TDRD12: variants seen among roughly 807,000 people sequenced by gnomAD.
The protein encoded by TDRD12 is putative ATP-dependent RNA helicase TDRD12.
Under a neutral mutation model 133.5 loss-of-function variants are expected in TDRD12, and 158 were observed. That is an observed-to-expected ratio of 1.18 (90% CI 1.04 to 1.35). TDRD12 has a LOEUF of 1.35. Among genes scored for constraint, TDRD12 ranks in the 40% most tolerant of loss-of-function variants. TDRD12 has a pLI of 0.00. For synonymous variants in TDRD12, 460 were observed against 477.9 expected (o/e 0.96, Z 0.49); for missense variants, 1,443 against 1,321.3 (o/e 1.09, Z -1.43).
intron 8 of TDRD12, among the ~76,000 whole-genome samples, chr19:32,767,693 G>A (rs778975184): frequency 1.8e-4 from 27 of 152,268 alleles, no homozygotes; most frequent in Admixed American, 2.6e-4. Context: ...GGGAGAAGAG[G>A]TGAAGGGGGT....
intron 3 of TDRD12, among the ~76,000 whole-genome samples, chr19:32,741,290 C>T (rs1046900914): frequency 1.3e-5 from 2 of 152,160 alleles, no homozygotes; most frequent in Non-Finnish European, 2.9e-5. Context: ...CCATGTTGGC[C>T]AGGCTGGTCT....
At chr19:32,814,102 C>T (rs1967096162) in intron 25 of TDRD12, among the ~76,000 whole-genome samples, 1 of 152,218 alleles carries the variant, frequency 6.6e-6, no homozygotes, top group South Asian at 2.1e-4. Flanking sequence ...CTAACTTTCT[C>T]ATTCACCACG....
At chr19:32,739,739 T>A (rs1969347110) in intron 3 of TDRD12, among the ~76,000 whole-genome samples, 1 of 141,252 alleles carries the variant, frequency 7.1e-6, no homozygotes, top group Non-Finnish European at 1.5e-5. Context: ...CTGGGTGCTG[T>A]CTGCATCTCC....
intron 21 of TDRD12, among the ~76,000 whole-genome samples, chr19:32,803,725 T>G (rs1308040013): frequency 2.0e-5 from 3 of 152,226 alleles, no homozygotes; most frequent in Admixed American, 1.3e-4. Context: ...GAGCCTGAGT[T>G]GTCCCCAACC....
At chr19:32,738,553 C>T (rs183620556) in intron 2 of TDRD12, among the ~76,000 whole-genome samples, 163 of 152,330 alleles carry the variant, frequency 1.1e-3, no homozygotes, top group Middle Eastern at 3.4e-3. Context: ...TGATGGCTCA[C>T]GCCTGTAATC....
chr19:32,812,431 G>A (rs1336015598), intron 24 of TDRD12, among the ~76,000 whole-genome samples: 1 of 152,172 alleles, frequency 6.6e-6, no homozygotes, highest in East Asian at 1.9e-4. Flanking sequence ...AGTACAAACA[G>A]TTTGGGTTAT....
At chr19:32,815,880 G>C (rs1311776173) in intron 26 of TDRD12, among the ~76,000 whole-genome samples, 1 of 152,070 alleles carries the variant, frequency 6.6e-6, no homozygotes, top group African/African-American at 2.4e-5. Context: ...TGTAATCCCT[G>C]TTACTCGGGA....
chr19:32,777,804 C>A (rs1656984406), intron 11 of TDRD12, among the ~76,000 whole-genome samples: 1 of 93,368 alleles, frequency 1.1e-5, no homozygotes, highest in Non-Finnish European at 1.9e-5. Context: ...ACCACCATAA[C>A]TGATTTACAT....
chr19:32,786,741 A>G (rs1028792113), intron 11 of TDRD12, among the ~76,000 whole-genome samples: 1 of 152,128 alleles, frequency 6.6e-6, no homozygotes, highest in African/African-American at 2.4e-5. Context: ...TGCATGCATC[A>G]CGAAGTTCCC....
chr19:32,806,321 G>A (rs765317763), intron 21 of TDRD12, among the ~76,000 whole-genome samples: 2 of 148,386 alleles, frequency 1.3e-5, no homozygotes, highest in African/African-American at 5.0e-5. Flanking sequence ...TCCTATTTAC[G>A]CTTAAAGAAG....
chr19:32,804,075 G>GT (rs968819327), intron 21 of TDRD12, among the ~76,000 whole-genome samples: 11 of 151,484 alleles, frequency 7.3e-5, no homozygotes, highest in African/African-American at 2.7e-4. Context: ...TTTTGATGAA[G>GT]TTTTTTTTGT....
intron 21 of TDRD12, among the ~76,000 whole-genome samples, chr19:32,807,267 T>TAA (rs59421213): frequency 0.066 from 3,090 of 46,966 alleles, 364 homozygotes; most frequent in East Asian, 0.11. Context: ...ACCAAACTCT[T>TAA]AAAAAAAAAA....
intron 10 of TDRD12, among the ~76,000 whole-genome samples, chr19:32,775,503 T>C (rs1435181989): frequency 6.6e-6 from 1 of 152,124 alleles, no homozygotes; most frequent in Non-Finnish European, 1.5e-5. Flanking sequence ...GCTAACATTT[T>C]AATTTTTTTG....
intron 11 of TDRD12, among the ~76,000 whole-genome samples, chr19:32,779,970 C>T (rs920929926): frequency 2.0e-5 from 3 of 152,126 alleles, no homozygotes; most frequent in African/African-American, 7.2e-5. Context: ...CTGTGATATT[C>T]ATTCTTTATT....
At chr19:32,739,941 C>G (rs1191384321) in intron 3 of TDRD12, among the ~76,000 whole-genome samples, 13 of 135,240 alleles carry the variant, frequency 9.6e-5, no homozygotes, top group East Asian at 4.8e-4. Context: ...CCTGGGTGCT[C>G]TCTGCATCTC....
At chr19:32,827,276 A>AG (rs1465105487) in exon 10 of TDRD12, 1 of 1,231,308 alleles carries the variant, frequency 8.1e-7, no homozygotes, top group African/African-American at 1.6e-5. Context: ...GACGTCCTCA[A>AG]GAGCGGCTGG....
chr19:32,781,687 T>C (rs905609653), intron 11 of TDRD12, among the ~76,000 whole-genome samples: 8 of 148,382 alleles, frequency 5.4e-5, no homozygotes, highest in Admixed American at 2.0e-4. Flanking sequence ...TCCTTTCCTT[T>C]TCTCTCTCTC....
chr19:32,776,969 G>C (rs966158029), intron 10 of TDRD12, among the ~76,000 whole-genome samples, 180 bp from the exon 11 acceptor site: 1 of 152,054 alleles, frequency 6.6e-6, no homozygotes, highest in African/African-American at 2.4e-5. Context: ...GCTCACTGCA[G>C]TGTCCAACTC....
chr19:32,804,457 G>T (rs946358875), intron 21 of TDRD12, among the ~76,000 whole-genome samples: 1 of 150,064 alleles, frequency 6.7e-6, no homozygotes, highest in Admixed American at 6.6e-5. Flanking sequence ...ACTTCGGGAG[G>T]CCGAGGCAGG....
Sources: allele counts gnomAD v4.1 joint callset (sites outside exome capture counted in the v4.1 genomes callset), GRCh38; gene constraint gnomAD v4.1.1; transcripts MANE v1.5; gene names NCBI Gene and HGNC (gene_info 2026-07-23, HGNC 2026-07-21).